The following HIP1 variants were observed in gnomAD, a reference collection of about 807,000 sequenced individuals.
HIP1 encodes huntingtin-interacting protein 1.
In HIP1, 65 loss-of-function variants were observed where a neutral mutation model predicts 147.6. That is an observed-to-expected ratio of 0.44 (90% CI 0.36 to 0.54). The LOEUF is 0.54. HIP1 is among the 20% of genes least tolerant of loss of function. The probability of loss-of-function intolerance (pLI) is 0.00; values close to 1 mark genes in which losing one functional copy is unlikely to be tolerated. For synonymous variants in HIP1, 479 were observed against 504.0 expected (o/e 0.95, Z 0.67); for missense variants, 1,061 against 1,299.6 (o/e 0.82, Z 2.82).
At chr7:75,668,334 T>G (rs1159298674) in intron 1 of HIP1, among the ~76,000 whole-genome samples, 1 of 152,102 alleles carries the variant, frequency 6.6e-6, no homozygotes, top group Non-Finnish European at 1.5e-5. Flanking sequence ...TTGTATTGTT[T>G]TGTTTTTGAG....
At chr7:75,606,354 C>T (rs1554503827) in intron 1 of HIP1, among the ~76,000 whole-genome samples, 2 of 151,998 alleles carry the variant, frequency 1.3e-5, no homozygotes, top group East Asian at 1.9e-4. Context: ...CCGAGGGGGG[C>T]AGATCACCTG....
chr7:75,571,727 C>A (rs587653697), intron 8 of HIP1, among the ~76,000 whole-genome samples: 2 of 152,016 alleles, frequency 1.3e-5, no homozygotes, highest in East Asian at 3.9e-4. Flanking sequence ...GGACTACAGG[C>A]GCATGTCACC....
chr7:75,738,720 C>G, intron 1 of HIP1, 81 bp downstream of exon 1: 1 of 1,491,336 alleles, frequency 6.7e-7, no homozygotes, highest in Non-Finnish European at 9.1e-7. Context: ...GCCTGCAAGA[C>G]TCCTACTCCC....
At chr7:75,676,821 CCTTT>C (rs1231170716) in intron 1 of HIP1, among the ~76,000 whole-genome samples, 1 of 149,752 alleles carries the variant, frequency 6.7e-6, no homozygotes, top group Non-Finnish European at 1.5e-5. Flanking sequence ...CATTCCTTAG[CCTTT>C]CTTTTAAAAC....
chr7:75,713,850 AC>A (rs1215703329), intron 1 of HIP1, among the ~76,000 whole-genome samples: 1 of 148,846 alleles, frequency 6.7e-6, no homozygotes, highest in African/African-American at 2.5e-5. Flanking sequence ...ACAGGCGTGC[AC>A]CACAATGCCC....
chr7:75,538,606 G>T (rs781954339), intron 30 of HIP1, among the ~76,000 whole-genome samples: 1 of 130,636 alleles, frequency 7.7e-6, no homozygotes. Context: ...ATGGAGTCTC[G>T]CTCTGTTGCC....
intron 8 of HIP1, among the ~76,000 whole-genome samples, chr7:75,573,464 C>T (rs587725159): frequency 6.6e-6 from 1 of 152,292 alleles, no homozygotes; most frequent in South Asian, 2.1e-4. Context: ...GGATGCCGAA[C>T]AAGAACTCGG....
chr7:75,591,361 C>T (rs1796495553), intron 4 of HIP1, among the ~76,000 whole-genome samples: 1 of 151,938 alleles, frequency 6.6e-6, no homozygotes, highest in Admixed American at 6.6e-5. Context: ...TGCAGATTAC[C>T]CCTCTCCATA....
intron 1 of HIP1, among the ~76,000 whole-genome samples, chr7:75,660,051 G>A (rs1161334260): frequency 6.0e-5 from 9 of 150,542 alleles, no homozygotes; most frequent in African/African-American, 9.8e-5. Flanking sequence ...GCGTGAACCG[G>A]AGAAGCGGAG....
chr7:75,686,494 TG>T (rs1352970602), intron 1 of HIP1, among the ~76,000 whole-genome samples: 1 of 152,150 alleles, frequency 6.6e-6, no homozygotes, highest in Non-Finnish European at 1.5e-5. Flanking sequence ...TCCTCTTAGC[TG>T]GGGTTCCCAT....
chr7:75,648,288 C>T (rs1440957147), intron 1 of HIP1, among the ~76,000 whole-genome samples: 3 of 151,516 alleles, frequency 2.0e-5, no homozygotes, highest in African/African-American at 7.3e-5. Flanking sequence ...GTAGCTGGGG[C>T]TCGTCGGAGT....
chr7:75,589,470 A>G (rs1295778782), intron 4 of HIP1, among the ~76,000 whole-genome samples: 5 of 151,876 alleles, frequency 3.3e-5, no homozygotes, highest in Non-Finnish European at 7.4e-5. Flanking sequence ...AGATCACTTG[A>G]GGTCAGGAGT....
intron 9 of HIP1, among the ~76,000 whole-genome samples, chr7:75,565,266 T>C (rs1795362459): frequency 7.9e-5 from 12 of 152,100 alleles, no homozygotes; most frequent in Admixed American, 7.9e-4. Context: ...AACAGCAAAG[T>C]GGCTACTCAG....
At position 75,571,934 on chromosome 7, in the gene HIP1, G is replaced by T. The variant is rs145430299; in HGVS notation, c.745+1827C>A. ...GACACAAAAGTATAAGAACTGGCGG[G>T]TGTGGTGGGTCATACCTGTAATCCT... On this transcript the variant is annotated intron_variant, in intron 8 of 30. Transcript: ENST00000336926. 9.7e-3 allele frequency among the ~76,000 whole-genome samples: 1,484 copies of T among 152,304 alleles called. 28 individuals carry two copies. The highest frequency in any genetic ancestry group is 0.034 in the African/African-American group (1,401 of 41,562).
intron 1 of HIP1, among the ~76,000 whole-genome samples, chr7:75,663,922 T>G: frequency 1.5e-5 from 2 of 130,356 alleles, no homozygotes; most frequent in Non-Finnish European, 3.3e-5. Flanking sequence ...TTCCATTATT[T>G]TATGTATGTG....
chr7:75,571,694 C>T (rs868947913), intron 8 of HIP1, among the ~76,000 whole-genome samples: 8 of 152,154 alleles, frequency 5.3e-5, no homozygotes, highest in East Asian at 3.9e-4. Flanking sequence ...GCGATCCTCT[C>T]GCCTTAGCCT....
rs572125259 is a variant in HIP1, at chr7:75,737,606, A to G, written c.120+1195T>C. Among the ~76,000 whole-genome samples the G allele has an allele frequency of 2.0e-5, 3 of 152,292 alleles. No individual in the cohort carries two copies. The East Asian group carries it at 5.8e-4, about 29-fold the overall frequency. The stretch of plus-strand genomic sequence containing the variant: ...GGTGATCCACCCGCCTCGGCCTCCC[A>G]AAGTGCTGGGATTACAGGTGTGAGG... On this transcript the variant is annotated intron_variant, in intron 1 of 30. Transcript: ENST00000336926.
At chr7:75,554,308 T>C in intron 20 of HIP1, 88 bp from the exon 21 acceptor site, 1 of 1,306,586 alleles carries the variant, frequency 7.7e-7, no homozygotes, top group Non-Finnish European at 1.1e-6. Context: ...GTTGCCTACA[T>C]GCCTTTCTTG....
At chr7:75,630,494 C>T (rs1337659145) in intron 1 of HIP1, among the ~76,000 whole-genome samples, 4 of 151,356 alleles carry the variant, frequency 2.6e-5, no homozygotes, top group Admixed American at 2.6e-4. Flanking sequence ...TGTTCTGTAT[C>T]CTGGAAACTT....
Sources: gnomAD v4.1 joint callset for allele counts (sites outside exome capture counted in the v4.1 genomes callset) on GRCh38, gnomAD v4.1.1 for gene constraint, MANE v1.5 for transcripts, NCBI Gene and HGNC (gene_info 2026-07-23, HGNC 2026-07-21) for gene names.